ANXA11: variants seen among roughly 807,000 people sequenced by gnomAD.
ANXA11 encodes annexin A11, also known as 56 kDa autoantigen.
Under a neutral mutation model 64.7 loss-of-function variants are expected in ANXA11, and 57 were observed. The observed-to-expected ratio is 0.88, with a 90% CI of 0.71 to 1.10. The LOEUF (loss-of-function observed/expected upper bound fraction) is 1.10, where lower values mean the gene tolerates loss of function less well. Among genes scored for constraint, ANXA11 ranks in the 50% least tolerant of loss-of-function variants. The pLI is 0.00. For synonymous variants in ANXA11, 260 were observed against 265.2 expected, an observed-to-expected ratio of 0.98 and a Z score of 0.19; for missense variants, 675 against 670.7, an observed-to-expected ratio of 1.01 and a Z score of -0.07.
intron 12 of ANXA11, among the ~76,000 whole-genome samples, chr10:80,160,902 G>A (rs999342295): frequency 2.6e-5 from 4 of 151,884 alleles, no homozygotes; most frequent in African/African-American, 9.7e-5. Context: ...TATAATCCTC[G>A]AACCCTCTCT....
intron 13 of ANXA11, 147 bp from the exon 14 acceptor site, chr10:80,158,172 C>T: frequency 1.3e-6 from 1 of 744,622 alleles, no homozygotes; most frequent in Non-Finnish European, 2.2e-6. Flanking sequence ...GTTCCAGGCT[C>T]AACTATCCCA....
intron 1 of ANXA11, among the ~76,000 whole-genome samples, chr10:80,178,149 C>T (rs1397486811): frequency 6.6e-6 from 1 of 152,058 alleles, no homozygotes; most frequent in East Asian, 1.9e-4. Flanking sequence ...CCCTCCCTAG[C>T]CTGTCCAGCA....
chr10:80,159,043 A>AAC (rs1439703558), intron 13 of ANXA11, 57 bp downstream of exon 13: 1 of 1,338,738 alleles, frequency 7.5e-7, no homozygotes. Context: ...GAGCAGCCTG[A>AAC]ACACTCACGA....
chr10:80,172,931 C>A, intron 2 of ANXA11, 62 bp from the exon 3 acceptor site: 1 of 1,500,260 alleles, frequency 6.7e-7, no homozygotes, highest in Non-Finnish European at 9.2e-7. Context: ...GCCCGTGGGA[C>A]CCAGCTTCTT....
chr10:80,171,952 C>A (rs1379094407), intron 3 of ANXA11: 2 of 980,108 alleles, frequency 2.0e-6, no homozygotes, highest in East Asian at 1.1e-4. Context: ...GCAGCTGAGC[C>A]ACCTCTAGGT....
At chr10:80,167,397 A>T in intron 5 of ANXA11, 84 bp from the exon 6 acceptor site, 1 of 1,235,268 alleles carries the variant, frequency 8.1e-7, no homozygotes, top group Non-Finnish European at 1.2e-6. Flanking sequence ...AGACTCTGGG[A>T]ACAGCCCTTT....
At chr10:80,184,591 C>A (rs1846472464) in intron 1 of ANXA11, among the ~76,000 whole-genome samples, 1 of 152,148 alleles carries the variant, frequency 6.6e-6, no homozygotes, top group Admixed American at 6.5e-5. Flanking sequence ...GAGAGACAGA[C>A]AGACAGACAG....
intron 15 of ANXA11, chr10:80,156,988 G>A: frequency 2.0e-6 from 2 of 985,406 alleles, no homozygotes; most frequent in Non-Finnish European, 2.4e-6. Context: ...ACACAGCTGA[G>A]AATGTATTTT....
chr10:80,170,175 T>C (rs1845916368), intron 4 of ANXA11, among the ~76,000 whole-genome samples: 1 of 152,158 alleles, frequency 6.6e-6, no homozygotes, highest in South Asian at 2.1e-4. Flanking sequence ...AGATGATAAG[T>C]GCAGCACGGC....
intron 13 of ANXA11, among the ~76,000 whole-genome samples, 191 bp from the exon 14 acceptor site, chr10:80,158,216 C>T (rs1045362818): frequency 2.0e-5 from 3 of 152,158 alleles, no homozygotes; most frequent in Non-Finnish European, 4.4e-5. Flanking sequence ...AACAGAAACA[C>T]GCAAAGCCTG....
rs1461003054 is a variant in ANXA11 at position 80,177,277 on chromosome 10, A to C, written c.-57-1122T>G. ...GTTCTGGGATTACATGCCTGGCCTG[A>C]CCCCACTCTTATCTTTTAGTTCTTT... On this transcript the variant is annotated intron_variant, in intron 1 of 15. Coordinates refer to ENST00000422982, the MANE Select transcript of ANXA11 (RefSeq NM_145868.2). Among the ~76,000 whole-genome samples, 27 of 152,008 alleles carry C rather than the reference A, an allele frequency of 1.8e-4. 1 individual carries two copies. The highest frequency in any genetic ancestry group is 1.5e-5 in the Non-Finnish European group (1 of 67,976).
intron 1 of ANXA11, among the ~76,000 whole-genome samples, chr10:80,193,143 G>T (rs1846841902): frequency 6.6e-6 from 1 of 152,090 alleles, no homozygotes; most frequent in African/African-American, 2.4e-5. Context: ...AGGAATATTG[G>T]GACAGGAAGG....
intron 1 of ANXA11, among the ~76,000 whole-genome samples, chr10:80,198,480 G>T (rs182464483): frequency 6.6e-6 from 1 of 152,216 alleles, no homozygotes; most frequent in Non-Finnish European, 1.5e-5. Context: ...CATGTGGCCC[G>T]GCGGCATTAT....
At chr10:80,167,168 A>C (rs1845778718) in intron 6 of ANXA11, 58 bp downstream of exon 6, 7 of 1,565,516 alleles carry the variant, frequency 4.5e-6, no homozygotes, top group Non-Finnish European at 6.2e-6. Flanking sequence ...AGCCACAGTG[A>C]AACTGCCTGG....
At chr10:80,179,100 G>A (rs60485216) in intron 1 of ANXA11, among the ~76,000 whole-genome samples, 2,334 of 152,242 alleles carry the variant, frequency 0.015, 60 homozygotes, top group African/African-American at 0.053. Context: ...GGCCAGGTGG[G>A]AGCTGACTGG....
chr10:80,193,329 T>C (rs1478020451), intron 1 of ANXA11, among the ~76,000 whole-genome samples: 1 of 152,164 alleles, frequency 6.6e-6, no homozygotes, highest in East Asian at 1.9e-4. Context: ...TATAAGCCTA[T>C]TAATTAAAAA....
At chr10:80,173,876 A>G (rs1846071083) in intron 2 of ANXA11, among the ~76,000 whole-genome samples, 1 of 152,172 alleles carries the variant, frequency 6.6e-6, no homozygotes, top group Admixed American at 6.5e-5. Context: ...GTTAAAACAC[A>G]TTGCTGGGCT....
At chr10:80,199,183 C>T (rs1254947799) in intron 1 of ANXA11, among the ~76,000 whole-genome samples, 2 of 151,236 alleles carry the variant, frequency 1.3e-5, no homozygotes, top group African/African-American at 2.4e-5. Flanking sequence ...CTGCAAGCTC[C>T]GCCTCCCGGG....
At chr10:80,159,015 A>G in intron 13 of ANXA11, 85 bp downstream of exon 13, 2 of 998,570 alleles carry the variant, frequency 2.0e-6, no homozygotes, top group Admixed American at 1.7e-5. Flanking sequence ...GGTGTCACCC[A>G]TCAGCTGGAG....
Sources: allele counts gnomAD v4.1 joint callset (sites outside exome capture counted in the v4.1 genomes callset), GRCh38; gene constraint gnomAD v4.1.1; transcripts MANE v1.5; gene names NCBI Gene and HGNC (gene_info 2026-07-23, HGNC 2026-07-21).